Variants in CFAP69 observed in about 807,000 individuals in gnomAD.
CFAP69 encodes the protein cilia and flagella associated protein 69, also known as cilia- and flagella-associated protein 69.
Under a neutral mutation model 123.0 loss-of-function variants are expected in CFAP69, and 92 were observed. That is an observed-to-expected ratio of 0.75 (90% CI 0.63 to 0.89). The LOEUF (loss-of-function observed/expected upper bound fraction) is 0.89. CFAP69 is among the 40% of genes least tolerant of loss of function. The pLI, the probability that CFAP69 is intolerant of heterozygous loss-of-function variation, is 0.00. For missense variants in CFAP69, 1,067 were observed against 1,096.9 expected (o/e 0.97, Z 0.39); for synonymous variants, 380 against 364.3 (o/e 1.04, Z -0.49).
Position 90,288,228 on chromosome 7 carries a change from A to T in CFAP69, c.1657-6A>T. 1 of 1,597,502 alleles carries T rather than the reference A, an allele frequency of 6.3e-7. No individual in the cohort carries two copies. Among genetic ancestry groups the T allele is most frequent in the Non-Finnish European group, 8.6e-7 (1 of 1,167,368 alleles). On this transcript the variant is annotated splice_region_variant and splice_polypyrimidine_tract_variant and intron_variant, in intron 14 of 22. Coordinates refer to ENST00000389297, the MANE Select transcript of CFAP69 (RefSeq NM_001039706.3). ...AGAAATAATTTAAAACAAATATCTTAAACAGGAAATTTTCGGAACTGAAGG... is the reference window on the plus strand; with the variant it reads ...AGAAATAATTTAAAACAAATATCTTTAACAGGAAATTTTCGGAACTGAAGG...
intron 8 of CFAP69, among the ~76,000 whole-genome samples, chr7:90,273,303 T>C (rs936611443): frequency 1.3e-5 from 2 of 152,188 alleles, no homozygotes; most frequent in African/African-American, 4.8e-5. Flanking sequence ...AGGCTAACAA[T>C]GTTATCAGGG....
chr7:90,306,574 C>A (rs10487111), intron 19 of CFAP69, among the ~76,000 whole-genome samples: 56,787 of 151,972 alleles, frequency 0.37, 11,929 homozygotes, highest in East Asian at 0.68. Context: ...TCAGAAAGAT[C>A]AGAATAAATC....
In CFAP69 at chr7:90,282,987, G is replaced by A. The variant is rs1029365; in HGVS notation, c.1468G>A (p.Val490Met). 1,259,977 of 1,593,122 alleles carry A rather than the reference G, an allele frequency of 0.79. 500,608 individuals are homozygous for A. The highest frequency in any genetic ancestry group is 1 in the East Asian group (43,387 of 43,450). The change falls in exon 13 of 23, where the codon GTG becomes ATG. Residue 490 changes from valine to methionine, a missense_variant. Transcript: ENST00000389297. Reference sequence around the variant, plus strand: ...TTACAGTTTAAGACTCCTGAGAGCCGTGGTCTACCTTGAAGATGAGACTGT... The same window carrying A: ...TTACAGTTTAAGACTCCTGAGAGCCATGGTCTACCTTGAAGATGAGACTGT... ...MRYSLRLLRA[V>M]VYLEDETVNK...
At chr7:90,280,041 T>C (rs1246321127) in intron 12 of CFAP69, 148 bp downstream of exon 12, 1 of 566,098 alleles carries the variant, frequency 1.8e-6, no homozygotes, top group African/African-American at 1.9e-5. Context: ...ATTTATATGT[T>C]GTTTTAAGAA....
intron 9 of CFAP69, among the ~76,000 whole-genome samples, chr7:90,274,624 A>C (rs1800460677): frequency 6.6e-6 from 1 of 152,148 alleles, no homozygotes; most frequent in Non-Finnish European, 1.5e-5. Context: ...AGAAATATTC[A>C]TTGTGAGGTT....
chr7:90,286,809 C>T (rs979543744), intron 14 of CFAP69, among the ~76,000 whole-genome samples: 12 of 151,934 alleles, frequency 7.9e-5, no homozygotes, highest in African/African-American at 1.5e-4. Context: ...CCATGTTGGC[C>T]GGGCATGGTG....
At chr7:90,292,820 G>T (rs1791400002) in intron 15 of CFAP69, among the ~76,000 whole-genome samples, 1 of 152,182 alleles carries the variant, frequency 6.6e-6, no homozygotes, top group Non-Finnish European at 1.5e-5. Context: ...GAACATTTCA[G>T]CTCTCTATGA....
chr7:90,305,363 T>A (rs377432055), intron 19 of CFAP69, among the ~76,000 whole-genome samples: 5 of 131,570 alleles, frequency 3.8e-5, no homozygotes, highest in East Asian at 2.1e-4. Context: ...GAAACTGATA[T>A]AAAACTGTTC....
rs1289632985 is a variant in CFAP69 at position 90,277,227 on chromosome 7, CT to C, written c.1052del (p.Leu351TrpfsTer2). On this transcript the variant is annotated frameshift_variant, in exon 11 of 23. Coordinates refer to ENST00000389297, the MANE Select transcript of CFAP69 (RefSeq NM_001039706.3). LOFTEE classifies it high-confidence loss of function. ...TTCCCTCACAGTTAAAAGTCAAAAT[CT>C]TTTGGTAAAAGGACTTAAGCTTTCT... ...ATFNEVKSQN[L>X]LVKGLKLSNS... The C allele has an allele frequency of 1.9e-5, 30 of 1,589,190 alleles. No individual in the cohort carries two copies. The highest frequency in any genetic ancestry group is 2.6e-5 in the Non-Finnish European group (30 of 1,171,678).
At chr7:90,289,188 A>G (rs1790737634) in intron 15 of CFAP69, among the ~76,000 whole-genome samples, 1 of 152,028 alleles carries the variant, frequency 6.6e-6, no homozygotes, top group Non-Finnish European at 1.5e-5. Flanking sequence ...AAAAATGCCC[A>G]GATCTGGGCA....
chr7:90,286,491 G>C, intron 14 of CFAP69, 92 bp downstream of exon 14: 1 of 1,329,174 alleles, frequency 7.5e-7, no homozygotes, highest in Non-Finnish European at 1.0e-6. Flanking sequence ...ATTTAATTTT[G>C]TGAAAATTTA....
downstream of CFAP69, among the ~76,000 whole-genome samples, chr7:90,313,273 G>T (rs1374042362): frequency 1.3e-5 from 2 of 152,210 alleles, no homozygotes; most frequent in Non-Finnish European, 2.9e-5. Context: ...CAGGATCAAT[G>T]TAGTTCCTCT....
At chr7:90,251,964 A>G (rs1244257737) in intron 1 of CFAP69, 1 of 152,178 alleles carries the variant, frequency 6.6e-6, no homozygotes, top group Non-Finnish European at 1.5e-5. Flanking sequence ...AATTGATTAC[A>G]GCTAGTTACG....
the CFAP69 span, chr7:90,319,293 A>C: frequency 2.5e-6 from 1 of 398,500 alleles, no homozygotes; most frequent in East Asian, 3.6e-5. Context: ...AAAAATCAGA[A>C]GAATTAAATA....
chr7:90,303,200 G>A (rs1309498997), intron 17 of CFAP69: 8 of 152,084 alleles, frequency 5.3e-5, no homozygotes, highest in African/African-American at 1.9e-4. Context: ...TTGTTTATCA[G>A]CTAAAGGAGC....
chr7:90,249,168 G>A (rs983130724), intron 1 of CFAP69, among the ~76,000 whole-genome samples: 16 of 152,138 alleles, frequency 1.1e-4, no homozygotes, highest in Non-Finnish European at 2.4e-4. Context: ...GATCATGGGG[G>A]TGATTTCCCC....
chr7:90,275,589 C>G (rs1365360274), intron 9 of CFAP69, among the ~76,000 whole-genome samples: 4 of 91,496 alleles, frequency 4.4e-5, no homozygotes, highest in Admixed American at 1.4e-4. Flanking sequence ...AGGCCAAAAG[C>G]CTTTTTTTTT....
chr7:90,302,393 G>A (rs1263773127), intron 17 of CFAP69: 3 of 152,024 alleles, frequency 2.0e-5, no homozygotes, highest in Non-Finnish European at 2.9e-5. Context: ...TGAAATCTTT[G>A]CCCATTCCTA....
intron 1 of CFAP69, among the ~76,000 whole-genome samples, chr7:90,249,921 T>A (rs1796763591): frequency 6.6e-6 from 1 of 152,172 alleles, no homozygotes; most frequent in Non-Finnish European, 1.5e-5. Flanking sequence ...CTTGCTCAAA[T>A]TTGCTCTCCC....
Sources: allele counts gnomAD v4.1 joint callset (sites outside exome capture counted in the v4.1 genomes callset), GRCh38; gene constraint gnomAD v4.1.1; transcripts MANE v1.5; gene names NCBI Gene and HGNC (gene_info 2026-07-23, HGNC 2026-07-21).